Variants in TNRC6B observed in about 807,000 individuals in gnomAD.
TNRC6B encodes trinucleotide repeat-containing gene 6B protein.
TNRC6B carries 52 observed loss-of-function variants against 203.6 expected under a neutral mutation model. The ratio of observed to expected loss-of-function variants is 0.26; its 90% CI spans 0.20 to 0.32. The LOEUF is 0.32. TNRC6B is among the 10% of genes least tolerant of loss of function. The pLI, the probability that TNRC6B is intolerant of heterozygous loss-of-function variation, is 1.00. For missense variants in TNRC6B, 1,923 were observed against 2,286.2 expected (o/e 0.84, Z 3.24); for synonymous variants, 838 against 845.7 (o/e 0.99, Z 0.16).
chr22:40,161,775 T>C (rs2068873281), intron 4 of TNRC6B, among the ~76,000 whole-genome samples: 1 of 152,248 alleles, frequency 6.6e-6, no homozygotes. Flanking sequence ...GTCTATCTAA[T>C]GTAATCATTT....
intron 1 of TNRC6B, among the ~76,000 whole-genome samples, chr22:40,185,937 C>A (rs558059964): frequency 9.9e-5 from 15 of 152,108 alleles, no homozygotes. Flanking sequence ...ATGACGCATT[C>A]CAGGTCAGAC....
intron 1 of TNRC6B, among the ~76,000 whole-genome samples, chr22:40,086,017 C>T (rs1469976222): frequency 6.6e-6 from 1 of 152,058 alleles, no homozygotes; most frequent in Non-Finnish European, 1.5e-5. Flanking sequence ...ACCACAGGTG[C>T]ACACCACTAT....
At chr22:40,084,846 A>G (rs959365519) in intron 1 of TNRC6B, among the ~76,000 whole-genome samples, 1 of 152,284 alleles carries the variant, frequency 6.6e-6, no homozygotes, top group South Asian at 2.1e-4. Flanking sequence ...AGTTTGGTGC[A>G]TGTATGTTAA....
intron 1 of TNRC6B, among the ~76,000 whole-genome samples, chr22:40,076,379 C>T (rs896889292): frequency 1.4e-4 from 21 of 152,180 alleles, no homozygotes; most frequent in African/African-American, 5.1e-4. Flanking sequence ...ATTCAGTGGG[C>T]CACAGATTTC....
At chr22:40,166,594 A>T (rs181104725) in intron 4 of TNRC6B, among the ~76,000 whole-genome samples, 3 of 152,222 alleles carry the variant, frequency 2.0e-5, no homozygotes, top group Non-Finnish European at 4.4e-5. Flanking sequence ...TGGTAACATC[A>T]TATAAATTTG....
At chr22:40,055,250 A>G (rs1194516373) in intron 1 of TNRC6B, among the ~76,000 whole-genome samples, 3 of 152,118 alleles carry the variant, frequency 2.0e-5, no homozygotes, top group Non-Finnish European at 4.4e-5. Flanking sequence ...TGTAATAGAC[A>G]GTACAAGAGG....
At chr22:40,206,433 T>C (rs1439641567) in intron 1 of TNRC6B, among the ~76,000 whole-genome samples, 1 of 151,736 alleles carries the variant, frequency 6.6e-6, no homozygotes, top group African/African-American at 2.4e-5. Flanking sequence ...TCAGAAGACA[T>C]TAAACTAACA....
chr22:40,284,284 T>C (rs1417052667), intron 11 of TNRC6B, among the ~76,000 whole-genome samples: 1 of 152,262 alleles, frequency 6.6e-6, no homozygotes, highest in Non-Finnish European at 1.5e-5. Context: ...TTAAGTTCAC[T>C]AATTTCCCTA....
intron 6 of TNRC6B, among the ~76,000 whole-genome samples, chr22:40,272,227 C>T (rs73420525): frequency 0.028 from 4,328 of 152,236 alleles, 191 homozygotes; most frequent in African/African-American, 0.1. Flanking sequence ...CCCAACCCTC[C>T]CCCTTGTGCA....
chr22:40,335,313 A>G lies in TNRC6B; in HGVS notation c.*12072A>G, dbSNP rs946342927. 1 of 151,328 alleles carries G rather than the reference A, an allele frequency of 6.6e-6. No individual in the cohort carries two copies. Among genetic ancestry groups the G allele is most frequent in the African/African-American group, 2.4e-5 (1 of 41,180 alleles). The allele number at this position is 151,328 out of a possible 1,614,324, so 9.4% of individuals were successfully genotyped here. On this transcript the variant is annotated 3_prime_UTR_variant, in exon 23 of 23. Transcript: ENST00000454349. ...CATGGCAGGCTGGGCCCCCTTTTCT[A>G]TATTTTATTTTCCTTTTTAGTATAG... is the stretch of plus-strand genomic sequence containing the variant.
At chr22:40,218,525 G>T (rs1358316660) in intron 1 of TNRC6B, among the ~76,000 whole-genome samples, 2 of 151,618 alleles carry the variant, frequency 1.3e-5, no homozygotes, top group Non-Finnish European at 2.9e-5. Context: ...ACATGGTTTC[G>T]TCATGTTTCC....
rs2070451410 is a variant in TNRC6B at position 40,264,891 on chromosome 22, G to C, written c.661G>C (p.Ala221Pro). The change falls in exon 5 of 23, where the codon GCC becomes CCC. Residue 221 changes from alanine to proline, a missense_variant. This residue lies in a region of TNRC6B where 614 missense variants were observed against 587.7 expected (regional missense o/e 1.04). Transcript: ENST00000454349. Reference protein sequence around the residue: ...SSENTTDNNSASNPGSEKSTL... With the variant: ...SSENTTDNNSPSNPGSEKSTL... ...CGAAAACACCACCGATAACAACAGTGCCTCGAACCCTGGCTCTGAGAAGAG... is the reference window on the plus strand; with the variant it reads ...CGAAAACACCACCGATAACAACAGTCCCTCGAACCCTGGCTCTGAGAAGAG... The C allele has an allele frequency of 6.2e-7, 1 of 1,613,912 alleles. No homozygotes were observed. The highest frequency in any genetic ancestry group is 1.1e-5 in the South Asian group (1 of 91,076).
intron 1 of TNRC6B, among the ~76,000 whole-genome samples, chr22:40,116,436 T>G (rs1004394729): frequency 1.3e-5 from 2 of 152,050 alleles, no homozygotes; most frequent in African/African-American, 4.8e-5. Flanking sequence ...CAGAGAGAGA[T>G]TCCATCATGG....
At chr22:40,310,739 C>T in intron 16 of TNRC6B, 78 bp from the exon 17 acceptor site, 1 of 1,403,278 alleles carries the variant, frequency 7.1e-7, no homozygotes, top group Non-Finnish European at 9.6e-7. Flanking sequence ...AGACTGTTTG[C>T]ATTCCAGCGA....
In TNRC6B at chr22:40,265,520, G is replaced by A. The variant is rs748516812; in HGVS notation, c.1290G>A (p.Gly430=). The change falls in exon 5 of 23, where the codon GGG becomes GGA. Residue 430 remains glycine, a synonymous_variant. Transcript: ENST00000454349. Reference sequence around the variant, plus strand: ...TTGGATCTTGGGGTGCAGCTAGGGGGCCTTCTGGAACTGACACAGTCTCTG... The same window carrying A: ...TTGGATCTTGGGGTGCAGCTAGGGGACCTTCTGGAACTGACACAGTCTCTG... ...GSVGSWGAAR[G]PSGTDTVSGQ... 1.2e-6 allele frequency: 2 copies of A among 1,613,878 alleles called. No homozygotes were observed. Among genetic ancestry groups the A allele is most frequent in the East Asian group, 2.2e-5 (1 of 44,872 alleles).
Position 40,270,230 on chromosome 22 carries a change from C to A in TNRC6B, c.2915C>A (p.Thr972Asn), listed in dbSNP as rs1370637091. 2 of 1,522,500 alleles carry A rather than the reference C, an allele frequency of 1.3e-6. No homozygotes were observed. The highest frequency in any genetic ancestry group is 1.4e-5 in the African/African-American group (1 of 71,184). The allele number at this position is 1,522,500 out of a possible 1,614,324, so 94.3% of individuals were successfully genotyped here. A position where few individuals can be genotyped will look rare whatever the true frequency, so the allele number is the denominator to read the frequency against. Residue 972 changes from threonine (T) to asparagine (N), a missense_variant, in exon 6 of 23, where the codon ACC becomes AAC. Around this residue, in one of 8 missense-constraint regions of TNRC6B, gnomAD observed 599 missense variants for 656.5 expected, o/e 0.91. Coordinates refer to ENST00000454349, the MANE Select transcript of TNRC6B (RefSeq NM_001162501.2). Reference sequence around the variant, plus strand: ...GAGATGGATGATACAGGAGCATCGACCACAGGCTGGGGGAACACGCCCGCC... The same window carrying A: ...GAGATGGATGATACAGGAGCATCGAACACAGGCTGGGGGAACACGCCCGCC... Reference protein sequence around the residue: ...WGEMDDTGASTTGWGNTPANA... With the variant: ...WGEMDDTGASNTGWGNTPANA...
intron 8 of TNRC6B, among the ~76,000 whole-genome samples, chr22:40,277,615 T>C (rs913777833): frequency 6.6e-6 from 1 of 152,238 alleles, no homozygotes; most frequent in African/African-American, 2.4e-5. Context: ...ATGACTTGAC[T>C]TGGCTGCACA....
intron 20 of TNRC6B, 146 bp from the exon 21 acceptor site, chr22:40,315,796 A>G (rs2071249484): frequency 1.4e-6 from 1 of 695,538 alleles, no homozygotes; most frequent in African/African-American, 1.8e-5. Context: ...GACCAGTAGA[A>G]GAGAAAAAGA....
At chr22:40,099,374 C>G (rs1371399308) in intron 1 of TNRC6B, among the ~76,000 whole-genome samples, 3 of 152,114 alleles carry the variant, frequency 2.0e-5, no homozygotes, top group African/African-American at 7.2e-5. Flanking sequence ...ATCTTTTCTC[C>G]ACTGATTTGA....
Sources: allele counts gnomAD v4.1 joint callset (sites outside exome capture counted in the v4.1 genomes callset), GRCh38; gene constraint gnomAD v4.1.1; regional missense constraint gnomAD v4.1.1; transcripts MANE v1.5; gene names NCBI Gene and HGNC (gene_info 2026-07-23, HGNC 2026-07-21).